The following CSNK1G1 variants were observed in gnomAD, a reference collection of about 807,000 sequenced individuals.
CSNK1G1 encodes the protein casein kinase 1 gamma 1.
In CSNK1G1, 22 loss-of-function variants were observed where a neutral mutation model predicts 59.6. The ratio of observed to expected loss-of-function variants is 0.37; its 90% CI spans 0.26 to 0.53. The LOEUF (loss-of-function observed/expected upper bound fraction) is 0.53, where lower values mean the gene tolerates loss of function less well. Among genes scored for constraint, CSNK1G1 ranks in the 20% least tolerant of loss-of-function variants. The probability of loss-of-function intolerance (pLI) is 0.89; values close to 1 mark genes in which losing one functional copy is unlikely to be tolerated. For synonymous variants in CSNK1G1, 179 were observed against 177.1 expected, an observed-to-expected ratio of 1.01 and a Z score of -0.08; for missense variants, 384 against 519.5, an observed-to-expected ratio of 0.74 and a Z score of 2.54.
chr15:64,255,882 G>A (rs373790537), intron 3 of CSNK1G1, among the ~76,000 whole-genome samples: 9 of 152,190 alleles, frequency 5.9e-5, no homozygotes, highest in Non-Finnish European at 7.3e-5. Flanking sequence ...TGTAGGAAGC[G>A]CTATGAAGAA....
At chr15:64,195,890 C>T (rs1166336260) in intron 10 of CSNK1G1, among the ~76,000 whole-genome samples, 1 of 152,134 alleles carries the variant, frequency 6.6e-6, no homozygotes, top group African/African-American at 2.4e-5. Flanking sequence ...TATCCAAATT[C>T]ATAGTTTAAT....
At chr15:64,276,728 G>A (rs1394931677) in intron 2 of CSNK1G1, among the ~76,000 whole-genome samples, 6 of 152,008 alleles carry the variant, frequency 3.9e-5, no homozygotes, top group South Asian at 2.1e-4. Flanking sequence ...GGTGGATCAC[G>A]AGGTCAGGAG....
chr15:64,180,917 T>C (rs1185151583), intron 10 of CSNK1G1, among the ~76,000 whole-genome samples: 2 of 152,248 alleles, frequency 1.3e-5, no homozygotes, highest in African/African-American at 2.4e-5. Flanking sequence ...GTAAAATCAC[T>C]TGGCTCCCTT....
chr15:64,338,709 A>AC (rs1191790535), intron 1 of CSNK1G1, among the ~76,000 whole-genome samples: 2 of 138,706 alleles, frequency 1.4e-5, no homozygotes, highest in African/African-American at 5.3e-5. Flanking sequence ...TCAAAAAAAA[A>AC]AAAAAAAAAA....
At chr15:64,291,844 A>T (rs184334934) in intron 2 of CSNK1G1, among the ~76,000 whole-genome samples, 10 of 152,298 alleles carry the variant, frequency 6.6e-5, no homozygotes, top group African/African-American at 2.4e-4. Flanking sequence ...GATAGTATTC[A>T]TCTGTAAATT....
chr15:64,213,449 C>G (rs2140263368), intron 6 of CSNK1G1, among the ~76,000 whole-genome samples: 1 of 152,292 alleles, frequency 6.6e-6, no homozygotes. Context: ...AAGACAGAAG[C>G]TCTTCCTTGA....
At chr15:64,250,968 T>C (rs1892046791) in intron 4 of CSNK1G1, among the ~76,000 whole-genome samples, 1 of 152,154 alleles carries the variant, frequency 6.6e-6, no homozygotes, top group Admixed American at 6.5e-5. Flanking sequence ...AAATTAGAGC[T>C]TTTTGGTAAA....
At chr15:64,320,690 AAAAAAAG>A (rs1214082756) in intron 1 of CSNK1G1, among the ~76,000 whole-genome samples, 7 of 151,168 alleles carry the variant, frequency 4.6e-5, no homozygotes, top group East Asian at 3.9e-4. Context: ...AAAAAAAAAA[AAAAAAAG>A]AAAAAAGAAA....
chr15:64,197,684 T>C (rs937805083), intron 10 of CSNK1G1, among the ~76,000 whole-genome samples: 1 of 152,194 alleles, frequency 6.6e-6, no homozygotes, highest in Non-Finnish European at 1.5e-5. Context: ...ATGATTTCCA[T>C]GTTTGCTGCC....
chr15:64,286,364 T>C (rs1283425982), intron 2 of CSNK1G1, among the ~76,000 whole-genome samples: 1 of 151,418 alleles, frequency 6.6e-6, no homozygotes, highest in Admixed American at 6.6e-5. Flanking sequence ...TAACATGTTA[T>C]TGTTAACAAT....
chr15:64,304,502 C>G (rs561807713), intron 1 of CSNK1G1, among the ~76,000 whole-genome samples: 8 of 151,174 alleles, frequency 5.3e-5, no homozygotes, highest in African/African-American at 1.7e-4. Context: ...AATCCTGTTT[C>G]TTTATCACTC....
chr15:64,222,034 C>A (rs2082394691), intron 4 of CSNK1G1, among the ~76,000 whole-genome samples: 1 of 151,984 alleles, frequency 6.6e-6, no homozygotes, highest in Non-Finnish European at 1.5e-5. Context: ...CCCAAATGCC[C>A]ATCAATGATA....
intron 1 of CSNK1G1, among the ~76,000 whole-genome samples, chr15:64,348,179 G>T (rs1898082215): frequency 6.6e-6 from 1 of 152,120 alleles, no homozygotes; most frequent in Non-Finnish European, 1.5e-5. Flanking sequence ...GGAGAGGAGG[G>T]ATGTGAAGCA....
At chr15:64,326,378 TC>T (rs1329215519) in intron 1 of CSNK1G1, among the ~76,000 whole-genome samples, 1 of 152,122 alleles carries the variant, frequency 6.6e-6, no homozygotes, top group Non-Finnish European at 1.5e-5. Context: ...GCATGGTGCT[TC>T]ACACCTGTAA....
At chr15:64,264,134 T>C (rs1892853542) in intron 2 of CSNK1G1, among the ~76,000 whole-genome samples, 1 of 152,220 alleles carries the variant, frequency 6.6e-6, no homozygotes. Flanking sequence ...AATAAGATTA[T>C]AGATAATCCT....
chr15:64,222,379 A>T (rs1311801941), intron 4 of CSNK1G1, among the ~76,000 whole-genome samples: 1 of 148,490 alleles, frequency 6.7e-6, no homozygotes, highest in Admixed American at 6.9e-5. Context: ...CATTCTGCAC[A>T]TGTATCCCGT....
chr15:64,177,290 C>T (rs770082025), intron 11 of CSNK1G1, among the ~76,000 whole-genome samples: 2 of 152,146 alleles, frequency 1.3e-5, no homozygotes, highest in East Asian at 3.9e-4. Context: ...GAACAAATGG[C>T]ATCACAGCTG....
intron 2 of CSNK1G1, among the ~76,000 whole-genome samples, chr15:64,271,849 T>C (rs1449646812): frequency 1.3e-5 from 2 of 152,206 alleles, no homozygotes; most frequent in South Asian, 2.1e-4. Flanking sequence ...TGTTTGATAC[T>C]GTCAGTGGAG....
At chr15:64,309,458 A>G (rs1270842570) in intron 1 of CSNK1G1, among the ~76,000 whole-genome samples, 1 of 152,158 alleles carries the variant, frequency 6.6e-6, no homozygotes, top group African/African-American at 2.4e-5. Flanking sequence ...TCTGAGTAGA[A>G]AGAAAAAGAT....
Sources: allele counts gnomAD v4.1 joint callset (sites outside exome capture counted in the v4.1 genomes callset), GRCh38; gene constraint gnomAD v4.1.1; transcripts MANE v1.5; gene names NCBI Gene and HGNC (gene_info 2026-07-23, HGNC 2026-07-21).